ELOVL6: variants seen among roughly 807,000 people sequenced by gnomAD.
ELOVL6 encodes the protein ELOVL fatty acid elongase 6, also known as very long chain fatty acid elongase 6.
A neutral mutation model predicts 31.7 loss-of-function variants in ELOVL6; 8 were observed. The observed-to-expected ratio is 0.25, with a 90% confidence interval of 0.15 to 0.45. The LOEUF is 0.45. ELOVL6 is among the 20% of genes least tolerant of loss of function. The probability of loss-of-function intolerance (pLI) is 1.00; values close to 1 mark genes in which losing one functional copy is unlikely to be tolerated. For missense variants in ELOVL6, 126 were observed against 326.4 expected (o/e 0.39, Z 4.73); for synonymous variants, 101 against 117.7 (o/e 0.86, Z 0.92).
intron 1 of ELOVL6, among the ~76,000 whole-genome samples, chr4:110,137,789 C>T (rs954039368): frequency 6.6e-6 from 1 of 152,178 alleles, no homozygotes; most frequent in African/African-American, 2.4e-5. Context: ...CAATTGGCTA[C>T]GGAACTCCAG....
intron 1 of ELOVL6, among the ~76,000 whole-genome samples, chr4:110,187,067 A>G (rs1267246110): frequency 6.6e-6 from 1 of 151,462 alleles, no homozygotes; most frequent in Non-Finnish European, 1.5e-5. Context: ...CTCATTTTAT[A>G]TTTATTCTAT....
chr4:110,192,374 T>C (rs553604493), intron 1 of ELOVL6, among the ~76,000 whole-genome samples: 5 of 152,210 alleles, frequency 3.3e-5, no homozygotes, highest in African/African-American at 1.2e-4. Context: ...CAATCCTCAC[T>C]AAAGGAAAAA....
chr4:110,185,932 C>A (rs1225187719), intron 1 of ELOVL6, among the ~76,000 whole-genome samples: 1 of 152,146 alleles, frequency 6.6e-6, no homozygotes, highest in African/African-American at 2.4e-5. Context: ...TGGCTCACAC[C>A]TGTAATCCCA....
chr4:110,055,282 C>T (rs1184499788), intron 3 of ELOVL6, among the ~76,000 whole-genome samples: 1 of 152,148 alleles, frequency 6.6e-6, no homozygotes, highest in Non-Finnish European at 1.5e-5. Flanking sequence ...TATAGAGTGA[C>T]CCAGAAATGT....
At chr4:110,122,416 G>C (rs778051072) in intron 1 of ELOVL6, among the ~76,000 whole-genome samples, 1 of 152,158 alleles carries the variant, frequency 6.6e-6, no homozygotes, top group Admixed American at 6.5e-5. Context: ...TTGAAACACA[G>C]TCTGGCTGTG....
chr4:110,073,687 T>C (rs1002905117), intron 2 of ELOVL6, among the ~76,000 whole-genome samples: 5 of 152,104 alleles, frequency 3.3e-5, no homozygotes, highest in African/African-American at 1.2e-4. Context: ...ACAAGGAAAA[T>C]TCCTTCCACC....
intron 1 of ELOVL6, among the ~76,000 whole-genome samples, chr4:110,119,469 C>T (rs752213426): frequency 6.6e-6 from 1 of 152,208 alleles, no homozygotes; most frequent in Non-Finnish European, 1.5e-5. Context: ...TAATTCTCCT[C>T]TAAGGATTGT....
intron 1 of ELOVL6, among the ~76,000 whole-genome samples, chr4:110,118,809 G>A (rs1383547055): frequency 6.6e-6 from 1 of 152,176 alleles, no homozygotes; most frequent in East Asian, 1.9e-4. Context: ...GCTCATGTCT[G>A]TAACCCCAAC....
chr4:110,188,962 T>C (rs1004591076), intron 1 of ELOVL6, among the ~76,000 whole-genome samples: 1 of 151,748 alleles, frequency 6.6e-6, no homozygotes, highest in African/African-American at 2.4e-5. Flanking sequence ...ACTGTTAGTA[T>C]CATTGCTCCT....
intron 3 of ELOVL6, among the ~76,000 whole-genome samples, chr4:110,055,176 A>C (rs1754946413): frequency 6.6e-6 from 1 of 152,180 alleles, no homozygotes; most frequent in Non-Finnish European, 1.5e-5. Context: ...GCAGGTACAA[A>C]TTATTTTTCC....
At chr4:110,118,821 C>A (rs973942883) in intron 1 of ELOVL6, among the ~76,000 whole-genome samples, 1 of 152,182 alleles carries the variant, frequency 6.6e-6, no homozygotes, top group Non-Finnish European at 1.5e-5. Flanking sequence ...AACCCCAACA[C>A]TTTGAAAGGA....
intron 1 of ELOVL6, among the ~76,000 whole-genome samples, chr4:110,186,851 A>T (rs923320993): frequency 1.4e-5 from 2 of 142,582 alleles, no homozygotes; most frequent in Non-Finnish European, 3.0e-5. Flanking sequence ...ATATTTATAT[A>T]TATACACACA....
At chr4:110,136,513 C>CCTAATAT (rs1368213426) in intron 1 of ELOVL6, among the ~76,000 whole-genome samples, 2 of 152,188 alleles carry the variant, frequency 1.3e-5, no homozygotes, top group Admixed American at 6.5e-5. Flanking sequence ...TAGGAGCAAT[C>CCTAATAT]AGCACTTCCT....
intron 1 of ELOVL6, among the ~76,000 whole-genome samples, chr4:110,156,302 T>C (rs1488026933): frequency 6.6e-6 from 1 of 152,116 alleles, no homozygotes; most frequent in Non-Finnish European, 1.5e-5. Context: ...CCCTGAAGGA[T>C]TGCTGCAGAG....
chr4:110,094,721 C>T (rs1756529337), intron 2 of ELOVL6, among the ~76,000 whole-genome samples: 1 of 151,694 alleles, frequency 6.6e-6, no homozygotes, highest in African/African-American at 2.4e-5. Context: ...CACTACATAA[C>T]ATCAGTCTTT....
chr4:110,133,400 T>C (rs747118371), intron 1 of ELOVL6, among the ~76,000 whole-genome samples: 1 of 152,234 alleles, frequency 6.6e-6, no homozygotes, highest in South Asian at 2.1e-4. Context: ...TGTGAAAGCA[T>C]AGCGAAAGCA....
At chr4:110,190,938 C>T (rs1389281696) in intron 1 of ELOVL6, among the ~76,000 whole-genome samples, 1 of 152,032 alleles carries the variant, frequency 6.6e-6, no homozygotes, top group Non-Finnish European at 1.5e-5. Context: ...TGTGTCTCAG[C>T]ATCCAGAGTA....
intron 2 of ELOVL6, among the ~76,000 whole-genome samples, chr4:110,083,436 G>A (rs938178910): frequency 1.1e-4 from 17 of 151,668 alleles, no homozygotes; most frequent in Middle Eastern, 3.2e-3. Flanking sequence ...AGCTGGGCAC[G>A]CTTGGTACGA....
intron 2 of ELOVL6, among the ~76,000 whole-genome samples, chr4:110,079,320 A>C (rs1755758122): frequency 6.6e-6 from 1 of 152,222 alleles, no homozygotes; most frequent in Non-Finnish European, 1.5e-5. Flanking sequence ...CCCATTACAA[A>C]ATTGACTGCA....
Sources: allele counts gnomAD v4.1 joint callset (sites outside exome capture counted in the v4.1 genomes callset), GRCh38; gene constraint gnomAD v4.1.1; transcripts MANE v1.5; gene names NCBI Gene and HGNC (gene_info 2026-07-23, HGNC 2026-07-21).